Variants in CHCHD3 observed in about 807,000 individuals in gnomAD.
CHCHD3 encodes the protein coiled-coil-helix-coiled-coil-helix domain containing 3, also known as MICOS complex subunit MIC19.
CHCHD3 carries 20 observed loss-of-function variants against 38.2 expected under a neutral mutation model. The observed-to-expected ratio is 0.52, with a 90% CI of 0.37 to 0.76. The LOEUF is 0.76. CHCHD3 is among the 30% of genes least tolerant of loss of function. The pLI, the probability that CHCHD3 is intolerant of heterozygous loss-of-function variation, is 0.00. For missense variants in CHCHD3, 245 were observed against 279.2 expected (o/e 0.88, Z 0.87); for synonymous variants, 82 against 100.0 (o/e 0.82, Z 1.07).
chr7:132,832,192 T>A (rs1163993813), intron 6 of CHCHD3, among the ~76,000 whole-genome samples: 5 of 152,216 alleles, frequency 3.3e-5, no homozygotes, highest in African/African-American at 9.6e-5. Context: ...TCAGATACTC[T>A]AAAATCACCT....
intron 4 of CHCHD3, among the ~76,000 whole-genome samples, chr7:132,902,872 TGAACAATACTCTG>T (rs1484377189): frequency 4.6e-5 from 7 of 152,160 alleles, no homozygotes; most frequent in Non-Finnish European, 8.8e-5. Context: ...TCACTATTTG[TGAACAATACTCTG>T]GTATGGGAAG....
intron 6 of CHCHD3, among the ~76,000 whole-genome samples, chr7:132,823,395 TAAC>T (rs1807432624): frequency 1.3e-5 from 2 of 152,162 alleles, no homozygotes; most frequent in Non-Finnish European, 2.9e-5. Context: ...AGTAACAGAC[TAAC>T]AACAAGAATA....
intron 3 of CHCHD3, among the ~76,000 whole-genome samples, chr7:132,982,509 T>C (rs1446799880): frequency 1.3e-5 from 2 of 152,210 alleles, no homozygotes; most frequent in African/African-American, 4.8e-5. Flanking sequence ...GGTCTTGAAC[T>C]CCTGACCTCA....
At chr7:133,032,448 C>G (rs1203742401) in intron 2 of CHCHD3, among the ~76,000 whole-genome samples, 1 of 152,222 alleles carries the variant, frequency 6.6e-6, no homozygotes, top group Non-Finnish European at 1.5e-5. Flanking sequence ...TGAACATCAA[C>G]AGCATCAAGT....
chr7:132,823,694 T>G (rs1311212308), intron 6 of CHCHD3, among the ~76,000 whole-genome samples: 1 of 152,214 alleles, frequency 6.6e-6, no homozygotes, highest in Admixed American at 6.6e-5. Context: ...TTATCTATTT[T>G]GGGCACATTC....
intron 2 of CHCHD3, among the ~76,000 whole-genome samples, chr7:133,029,114 T>C (rs1319746731): frequency 6.6e-6 from 1 of 152,178 alleles, no homozygotes; most frequent in Non-Finnish European, 1.5e-5. Context: ...TATTCTGTTA[T>C]AAGCAACAGA....
At position 132,827,830 on chromosome 7, in the gene CHCHD3, C is replaced by A. The variant is rs141374499; in HGVS notation, c.524+10569G>T. On this transcript the variant is annotated intron_variant, in intron 6 of 7. Coordinates refer to ENST00000262570, the MANE Select transcript of CHCHD3 (RefSeq NM_017812.4). ...TGTACCATGATGTTTGAGATCCATCCGTGCTGTTACATGTATCGATAGTTT... is the reference window on the plus strand; with the variant it reads ...TGTACCATGATGTTTGAGATCCATCAGTGCTGTTACATGTATCGATAGTTT... Among the ~76,000 whole-genome samples, 5 of 152,248 alleles carry A rather than the reference C, an allele frequency of 3.3e-5. No individual in the cohort carries two copies. The South Asian group carries it at 8.3e-4, about 25-fold the overall frequency.
intron 4 of CHCHD3, chr7:132,973,299 T>C (rs1811659090): frequency 2.0e-6 from 2 of 985,322 alleles, no homozygotes; most frequent in Non-Finnish European, 1.2e-6. Flanking sequence ...TCCTCAAACA[T>C]GAGCACTATT....
intron 4 of CHCHD3, among the ~76,000 whole-genome samples, chr7:132,905,490 G>A (rs1809777492): frequency 6.6e-6 from 1 of 152,028 alleles, no homozygotes; most frequent in African/African-American, 2.4e-5. Flanking sequence ...CTAGCTAATG[G>A]ATGCTGGGCT....
intron 3 of CHCHD3, among the ~76,000 whole-genome samples, chr7:132,984,836 G>T (rs192999920): frequency 1.9e-5 from 2 of 105,104 alleles, no homozygotes; most frequent in East Asian, 3.4e-4. Context: ...GCAGCCACCC[G>T]GTCTGGGAGG....
intron 5 of CHCHD3, among the ~76,000 whole-genome samples, chr7:132,864,493 C>T (rs909771370): frequency 2.0e-5 from 3 of 152,078 alleles, no homozygotes; most frequent in Non-Finnish European, 2.9e-5. Context: ...ATGGGAACTA[C>T]CAAAATGTGG....
chr7:132,955,143 A>C (rs539310972), intron 4 of CHCHD3, among the ~76,000 whole-genome samples: 1 of 141,548 alleles, frequency 7.1e-6, no homozygotes, highest in East Asian at 2.2e-4. Flanking sequence ...CAACAACGTC[A>C]AGGTAGAAAG....
chr7:132,878,062 A>G (rs1585596907), intron 5 of CHCHD3, among the ~76,000 whole-genome samples: 4 of 152,302 alleles, frequency 2.6e-5, no homozygotes, highest in South Asian at 4.2e-4. Context: ...TTATCTCCCC[A>G]TCTCCAAAAA....
At chr7:132,914,843 C>T (rs537573195) in intron 4 of CHCHD3, among the ~76,000 whole-genome samples, 2 of 151,964 alleles carry the variant, frequency 1.3e-5, no homozygotes, top group South Asian at 4.2e-4. Flanking sequence ...ACTGAGAAAG[C>T]GAAAATAAAG....
At chr7:132,939,306 C>A (rs1562914743) in intron 4 of CHCHD3, among the ~76,000 whole-genome samples, 1 of 152,186 alleles carries the variant, frequency 6.6e-6, no homozygotes, top group Admixed American at 6.5e-5. Context: ...TCATCACTCA[C>A]TGACTTGCCC....
chr7:133,012,054 T>A (rs1339709021), intron 3 of CHCHD3, among the ~76,000 whole-genome samples: 1 of 152,200 alleles, frequency 6.6e-6, no homozygotes, highest in East Asian at 1.9e-4. Context: ...ACCCTCAACT[T>A]TCTGTTACCC....
chr7:132,970,982 C>G (rs1281831137), intron 4 of CHCHD3, among the ~76,000 whole-genome samples: 1 of 151,822 alleles, frequency 6.6e-6, no homozygotes, highest in Non-Finnish European at 1.5e-5. Context: ...AACATTAAAC[C>G]AGCATAATGT....
intron 3 of CHCHD3, among the ~76,000 whole-genome samples, chr7:132,995,937 A>T (rs1296391655): frequency 6.6e-6 from 1 of 152,074 alleles, no homozygotes; most frequent in Non-Finnish European, 1.5e-5. Context: ...ATGTTATTTC[A>T]TTTACTCCAC....
At chr7:133,004,237 C>T (rs1234233495) in intron 3 of CHCHD3, among the ~76,000 whole-genome samples, 1 of 152,206 alleles carries the variant, frequency 6.6e-6, no homozygotes, top group Non-Finnish European at 1.5e-5. Context: ...GCTGGGATTA[C>T]AGGCATGAGC....
Sources: allele counts gnomAD v4.1 joint callset (sites outside exome capture counted in the v4.1 genomes callset), GRCh38; gene constraint gnomAD v4.1.1; transcripts MANE v1.5; gene names NCBI Gene and HGNC (gene_info 2026-07-23, HGNC 2026-07-21).